Variants in SIN3A observed in about 807,000 individuals in gnomAD.
SIN3A encodes the protein paired amphipathic helix protein Sin3a.
Under a neutral mutation model 146.1 loss-of-function variants are expected in SIN3A, and 14 were observed. The observed-to-expected ratio is 0.10, with a 90% CI of 0.06 to 0.15. SIN3A has a LOEUF of 0.15. Ranked by LOEUF, SIN3A falls within the 10% of genes least tolerant of loss-of-function variation. SIN3A has a pLI of 1.00. For missense variants in SIN3A, 1,028 were observed against 1,576.0 expected (o/e 0.65, Z 5.89); for synonymous variants, 572 against 572.0 (o/e 1.00, Z 0.00).
intron 1 of SIN3A, among the ~76,000 whole-genome samples, chr15:75,445,759 G>GAAAAAAAAAAAAAAA (rs774883850): frequency 1.2e-5 from 1 of 86,418 alleles, no homozygotes. Flanking sequence ...TCAAAAAAAA[G>GAAAAAAAAAAAAAAA]AAAAAAAAAA....
chr15:75,409,382 G>C (rs996239549), intron 8 of SIN3A, among the ~76,000 whole-genome samples: 1 of 152,082 alleles, frequency 6.6e-6, no homozygotes, highest in African/African-American at 2.4e-5. Flanking sequence ...ACTCTGCACT[G>C]AGTTTCTGTG....
chr15:75,400,424 C>G (rs1034521694), intron 11 of SIN3A, among the ~76,000 whole-genome samples: 1 of 151,964 alleles, frequency 6.6e-6, no homozygotes, highest in Non-Finnish European at 1.5e-5. Context: ...AAACTAAAAA[C>G]TTTTATTTTT....
intron 10 of SIN3A, 138 bp from the exon 11 acceptor site, chr15:75,401,078 C>T: frequency 7.8e-6 from 5 of 640,020 alleles, no homozygotes; most frequent in Non-Finnish European, 8.1e-6. Context: ...AGAACTGCTT[C>T]TGAGCATTTG....
At chr15:75,450,032 G>A (rs910903935) in intron 1 of SIN3A, among the ~76,000 whole-genome samples, 1 of 151,914 alleles carries the variant, frequency 6.6e-6, no homozygotes, top group African/African-American at 2.4e-5. Context: ...CACCTGCCTC[G>A]GCCTCCCAAA....
intron 2 of SIN3A, among the ~76,000 whole-genome samples, chr15:75,424,837 T>C (rs2073898568): frequency 6.6e-6 from 1 of 152,198 alleles, no homozygotes; most frequent in South Asian, 2.1e-4. Flanking sequence ...TAATAGTTTC[T>C]AAACAATTTC....
intron 9 of SIN3A, among the ~76,000 whole-genome samples, chr15:75,404,558 C>A (rs1238619804): frequency 6.6e-6 from 1 of 151,998 alleles, no homozygotes; most frequent in African/African-American, 2.4e-5. Context: ...GTCAGGAGTT[C>A]GAGACAGCCT....
intron 5 of SIN3A, among the ~76,000 whole-genome samples, chr15:75,412,039 A>C (rs1472699373): frequency 6.6e-6 from 1 of 152,254 alleles, no homozygotes; most frequent in Non-Finnish European, 1.5e-5. Context: ...TAGCTCAACA[A>C]GTACACATAG....
chr15:75,415,016 G>A (rs1029842415), intron 3 of SIN3A, among the ~76,000 whole-genome samples: 2 of 152,214 alleles, frequency 1.3e-5, no homozygotes, highest in Admixed American at 6.5e-5. Flanking sequence ...TCTAGATTCT[G>A]AAAGGATTTG....
In SIN3A at chr15:75,400,726, T is replaced by TTACC. The variant is rs1406047467; in HGVS notation, c.1737_1737+3dup. 4.3e-6 allele frequency: 7 copies of TTACC among 1,611,742 alleles called. No individual in the cohort carries two copies. Among genetic ancestry groups the TTACC allele is most frequent in the Non-Finnish European group, 5.9e-6 (7 of 1,178,828 alleles). On this transcript the variant is annotated splice_donor_region_variant and intron_variant, in intron 11 of 20. Coordinates refer to ENST00000394947, the MANE Select transcript of SIN3A (RefSeq NM_001145358.2). ...GGGCTGATCTTTGCTAGGGAAGGCC[T>TTACC]TACCTCTTTACAGAGAGGAGTCCGT...
intron 1 of SIN3A, among the ~76,000 whole-genome samples, chr15:75,432,517 T>C (rs1406095947): frequency 6.6e-6 from 1 of 150,866 alleles, no homozygotes; most frequent in Non-Finnish European, 1.5e-5. Context: ...TGAAACCCTG[T>C]CTCCAGTAAA....
chr15:75,410,019 T>C (rs754225567), intron 7 of SIN3A, 28 bp from the exon 8 acceptor site: 2 of 1,612,292 alleles, frequency 1.2e-6, no homozygotes, highest in South Asian at 1.1e-5. Context: ...ATGAGATTAA[T>C]GCTCTTATCA....
chr15:75,376,022 A>G, intron 19 of SIN3A, 150 bp from the exon 20 acceptor site: 1 of 744,246 alleles, frequency 1.3e-6, no homozygotes, highest in African/African-American at 1.8e-5. Flanking sequence ...TTCACTGCAA[A>G]AAAAATTTCA....
intron 3 of SIN3A, among the ~76,000 whole-genome samples, chr15:75,417,143 G>A (rs2073754134): frequency 6.6e-6 from 1 of 150,900 alleles, no homozygotes; most frequent in Admixed American, 6.6e-5. Context: ...GGCTGGGGGA[G>A]AAAAAAAACT....
At chr15:75,440,560 G>A (rs1347674196) in intron 1 of SIN3A, among the ~76,000 whole-genome samples, 3 of 151,998 alleles carry the variant, frequency 2.0e-5, no homozygotes, top group East Asian at 1.9e-4. Context: ...TTTTTATTCC[G>A]TACTTTCCTG....
chr15:75,409,070 G>A (rs759502793), intron 8 of SIN3A, among the ~76,000 whole-genome samples: 3 of 152,114 alleles, frequency 2.0e-5, no homozygotes, highest in African/African-American at 7.2e-5. Context: ...TGGGCGTGGT[G>A]GCACACGCCT....
intron 3 of SIN3A, chr15:75,419,299 T>C (rs2073800105): frequency 1.3e-5 from 2 of 152,144 alleles, no homozygotes; most frequent in African/African-American, 2.4e-5. Context: ...ACACAAAATA[T>C]ATTAAGTTTG....
At chr15:75,431,930 T>C (rs1380676951) in intron 1 of SIN3A, among the ~76,000 whole-genome samples, 1 of 152,208 alleles carries the variant, frequency 6.6e-6, no homozygotes, top group Non-Finnish European at 1.5e-5. Context: ...TTTTATCTAT[T>C]TGTAAACTCA....
intron 4 of SIN3A, 38 bp downstream of exon 4, chr15:75,414,167 C>T: frequency 1.9e-6 from 2 of 1,055,176 alleles, no homozygotes; most frequent in Non-Finnish European, 1.4e-6. Context: ...AATCAATATG[C>T]CAGATACAAA....
chr15:75,389,983 G>A (rs111808628), intron 15 of SIN3A, among the ~76,000 whole-genome samples, 162 bp from the exon 16 acceptor site: 2 of 152,294 alleles, frequency 1.3e-5, no homozygotes, highest in Admixed American at 6.5e-5. Context: ...GATGAATTCC[G>A]ACAGGTGACT....
Sources: gnomAD v4.1 joint callset for allele counts (sites outside exome capture counted in the v4.1 genomes callset) on GRCh38, gnomAD v4.1.1 for gene constraint, MANE v1.5 for transcripts, NCBI Gene and HGNC (gene_info 2026-07-23, HGNC 2026-07-21) for gene names.